SKAP1: variants seen among roughly 807,000 people sequenced by gnomAD.
SKAP1 encodes src kinase associated phosphoprotein 1, also known as src kinase-associated phosphoprotein 1.
Under a neutral mutation model 58.5 loss-of-function variants are expected in SKAP1, and 44 were observed. The observed-to-expected ratio is 0.75, with a 90% CI of 0.59 to 0.97. The LOEUF (loss-of-function observed/expected upper bound fraction) is 0.97. Among genes scored for constraint, SKAP1 ranks in the 50% least tolerant of loss-of-function variants. The pLI is 0.00. For synonymous variants in SKAP1, 127 were observed against 149.7 expected (o/e 0.85, Z 1.11); for missense variants, 390 against 435.2 (o/e 0.90, Z 0.92).
intron 4 of SKAP1, among the ~76,000 whole-genome samples, chr17:48,230,338 G>T: frequency 6.6e-6 from 1 of 152,166 alleles, no homozygotes; most frequent in Middle Eastern, 3.2e-3. Context: ...ACAAAGCTTT[G>T]TTTTGTGTTA....
chr17:48,179,471 T>C (rs1362706724), intron 9 of SKAP1, among the ~76,000 whole-genome samples: 1 of 152,180 alleles, frequency 6.6e-6, no homozygotes, highest in Non-Finnish European at 1.5e-5. Context: ...ATATATTGAG[T>C]AGACCTGCTG....
intron 2 of SKAP1, among the ~76,000 whole-genome samples, chr17:48,371,076 A>T (rs1218159928): frequency 6.6e-6 from 1 of 152,222 alleles, no homozygotes; most frequent in Non-Finnish European, 1.5e-5. Flanking sequence ...GGAGCTAAAC[A>T]TTAGGTACTT....
At chr17:48,288,030 T>C (rs1158355573) in intron 4 of SKAP1, among the ~76,000 whole-genome samples, 4 of 152,222 alleles carry the variant, frequency 2.6e-5, no homozygotes, top group Non-Finnish European at 5.9e-5. Flanking sequence ...ATGGACTGAC[T>C]CAAGAGGAAC....
chr17:48,171,093 G>GTTTTTT lies in SKAP1; in HGVS notation c.827-440_827-435dup, dbSNP rs71141969. On this transcript the variant is annotated intron_variant, in intron 9 of 12. Coordinates refer to ENST00000336915, the MANE Select transcript of SKAP1 (RefSeq NM_003726.4). ...CTTTAAGGAAAGTTTAATTACTGTT[G>GTTTTTT]TTTTTTTTTTTTTTTTTTTTTTTTT... Among the ~76,000 whole-genome samples the GTTTTTT allele has an allele frequency of 3.4e-3, 242 of 70,228 alleles. 18 individuals are homozygous for GTTTTTT. Among genetic ancestry groups the GTTTTTT allele is most frequent in the Non-Finnish European group, 4.8e-3 (196 of 40,846 alleles). The allele number at this position is 70,228 out of a possible 152,430, so 46.1% of individuals were successfully genotyped here. A position where few individuals can be genotyped will look rare whatever the true frequency, so the allele number is the denominator to read the frequency against.
chr17:48,241,595 A>G (rs996634873), intron 4 of SKAP1, among the ~76,000 whole-genome samples: 2 of 152,162 alleles, frequency 1.3e-5, no homozygotes, highest in Non-Finnish European at 2.9e-5. Context: ...AGATAAGTCT[A>G]TATTTAATAC....
chr17:48,403,011 C>T (rs941585150), intron 1 of SKAP1, among the ~76,000 whole-genome samples: 1 of 152,050 alleles, frequency 6.6e-6, no homozygotes, highest in African/African-American at 2.4e-5. Context: ...TGTGAATATA[C>T]TAGAAGCCAT....
At chr17:48,250,276 T>G (rs2065346953) in intron 4 of SKAP1, among the ~76,000 whole-genome samples, 3 of 61,910 alleles carry the variant, frequency 4.8e-5, no homozygotes, top group Admixed American at 1.6e-4. Context: ...TAGACAGTTT[T>G]TTTTTTTTTT....
chr17:48,223,297 T>A, intron 4 of SKAP1, among the ~76,000 whole-genome samples: 1 of 152,138 alleles, frequency 6.6e-6, no homozygotes, highest in East Asian at 1.9e-4. Flanking sequence ...AAGATAAAAA[T>A]TATTATGTGG....
intron 1 of SKAP1, among the ~76,000 whole-genome samples, chr17:48,411,398 C>CAAAT (rs55868728): frequency 0.092 from 13,608 of 147,172 alleles, 651 homozygotes; most frequent in Admixed American, 0.14. Flanking sequence ...GATTCCATCT[C>CAAAT]AAATAAATAA....
intron 4 of SKAP1, among the ~76,000 whole-genome samples, chr17:48,322,528 G>A (rs2066381307): frequency 6.6e-6 from 1 of 152,222 alleles, no homozygotes; most frequent in African/African-American, 2.4e-5. Flanking sequence ...CCATGGGTAA[G>A]ACATAATATC....
chr17:48,440,829 A>G, the SKAP1 span, among the ~76,000 whole-genome samples: 1 of 152,200 alleles, frequency 6.6e-6, no homozygotes, highest in African/African-American at 2.4e-5. Flanking sequence ...GAACAAAACC[A>G]GGATGCATTT....
intron 4 of SKAP1, among the ~76,000 whole-genome samples, chr17:48,275,177 G>C (rs2065683576): frequency 6.6e-6 from 1 of 152,058 alleles, no homozygotes; most frequent in Non-Finnish European, 1.5e-5. Context: ...CTCAACCATG[G>C]AGTTTTGGCT....
chr17:48,410,383 G>A (rs1459366426), intron 1 of SKAP1, among the ~76,000 whole-genome samples: 2 of 152,164 alleles, frequency 1.3e-5, no homozygotes, highest in East Asian at 1.9e-4. Flanking sequence ...GTATTTCCTT[G>A]CTTTGTCAGC....
intron 4 of SKAP1, among the ~76,000 whole-genome samples, chr17:48,338,726 A>G (rs143186849): frequency 2.2e-4 from 33 of 152,284 alleles, no homozygotes; most frequent in African/African-American, 7.2e-4. Flanking sequence ...AAAATGAAAA[A>G]CGGGTCATTC....
At chr17:48,366,939 C>T (rs1349064093) in intron 2 of SKAP1, among the ~76,000 whole-genome samples, 1 of 152,064 alleles carries the variant, frequency 6.6e-6, no homozygotes, top group East Asian at 1.9e-4. Context: ...TTTATTGGCC[C>T]AGAAAAAATC....
chr17:48,189,379 T>C, intron 5 of SKAP1, 44 bp downstream of exon 5: 1 of 1,510,212 alleles, frequency 6.6e-7, no homozygotes, highest in Non-Finnish European at 9.2e-7. Flanking sequence ...CTCACTTCCC[T>C]TCCCTTCCTG....
intron 4 of SKAP1, among the ~76,000 whole-genome samples, chr17:48,278,446 T>C (rs1402500799): frequency 6.6e-6 from 1 of 152,222 alleles, no homozygotes; most frequent in Non-Finnish European, 1.5e-5. Flanking sequence ...TAATAGAATA[T>C]AATTCTAGTA....
rs1296907727 is a variant in SKAP1 at position 48,180,132 on chromosome 17, T to G, written c.748A>C (p.Thr250Pro). ...ATCCCCACACTCCCAGGCAAGATAG[T>G]GGGTCTGCACTGGGAACCACAACTT... ...SPSCGSQCRP[T>P]ILPGSVGIKE... The change falls in exon 9 of 13, where the codon ACT (threonine) becomes CCT (proline). Residue 250 changes from threonine (T) to proline (P), a missense_variant. Transcript: ENST00000336915. 1 of 1,613,900 alleles carries G rather than the reference T, an allele frequency of 6.2e-7. No individual in the cohort carries two copies. The highest frequency in any genetic ancestry group is 2.2e-5 in the East Asian group (1 of 44,874).
At chr17:48,375,133 C>A (rs72827851) in intron 2 of SKAP1, among the ~76,000 whole-genome samples, 12,415 of 152,128 alleles carry the variant, frequency 0.082, 646 homozygotes, top group East Asian at 0.2. Flanking sequence ...AATAGAAGAA[C>A]ATATCACAAG....
Sources: allele counts gnomAD v4.1 joint callset (sites outside exome capture counted in the v4.1 genomes callset), GRCh38; gene constraint gnomAD v4.1.1; transcripts MANE v1.5; gene names NCBI Gene and HGNC (gene_info 2026-07-23, HGNC 2026-07-21).